PARD3B: variants seen among roughly 807,000 people sequenced by gnomAD.
PARD3B encodes par-3 family cell polarity regulator beta.
PARD3B carries 103 observed loss-of-function variants against 130.2 expected under a neutral mutation model. That is an observed-to-expected ratio of 0.79 (90% CI 0.67 to 0.93). The LOEUF (loss-of-function observed/expected upper bound fraction) is 0.93. Ranked by LOEUF, PARD3B falls within the 40% of genes least tolerant of loss-of-function variation. PARD3B has a pLI of 0.00. For synonymous variants in PARD3B, 583 were observed against 553.2 expected, an observed-to-expected ratio of 1.05 and a Z score of -0.76; for missense variants, 1,609 against 1,499.2, an observed-to-expected ratio of 1.07 and a Z score of -1.21.
At chr2:204,703,673 A>G (rs1458695733) in intron 2 of PARD3B, among the ~76,000 whole-genome samples, 1 of 152,190 alleles carries the variant, frequency 6.6e-6, no homozygotes, top group Non-Finnish European at 1.5e-5. Flanking sequence ...TTAAAAAATA[A>G]CCAATTCATA....
intron 21 of PARD3B, among the ~76,000 whole-genome samples, chr2:205,536,991 G>A (rs958022978): frequency 1.3e-5 from 2 of 152,016 alleles, no homozygotes; most frequent in African/African-American, 2.4e-5. Flanking sequence ...CATCCTAATG[G>A]ATTATACCAT....
intron 2 of PARD3B, among the ~76,000 whole-genome samples, chr2:204,734,794 G>T (rs1056550900): frequency 2.0e-5 from 3 of 152,102 alleles, no homozygotes; most frequent in Admixed American, 2.0e-4. Flanking sequence ...GGTAGTGGAA[G>T]TGTTTCTGTA....
At chr2:204,958,841 A>G (rs1235022981) in intron 2 of PARD3B, among the ~76,000 whole-genome samples, 9 of 152,180 alleles carry the variant, frequency 5.9e-5, no homozygotes, top group Admixed American at 5.9e-4. Context: ...GTTTTAGGAT[A>G]AAAACAGATC....
At chr2:204,668,244 C>T (rs1193241606) in intron 1 of PARD3B, among the ~76,000 whole-genome samples, 1 of 152,158 alleles carries the variant, frequency 6.6e-6, no homozygotes, top group Non-Finnish European at 1.5e-5. Flanking sequence ...ACTTGAATGG[C>T]CTTACCCAGC....
intron 2 of PARD3B, among the ~76,000 whole-genome samples, chr2:204,855,313 G>A (rs993956921): frequency 1.3e-5 from 2 of 152,066 alleles, no homozygotes; most frequent in Admixed American, 6.5e-5. Flanking sequence ...GGGAGGCCAA[G>A]CTGGGTGGAT....
intron 22 of PARD3B, among the ~76,000 whole-genome samples, chr2:205,577,249 G>A (rs2053795210): frequency 6.9e-6 from 1 of 144,052 alleles, no homozygotes; most frequent in Non-Finnish European, 1.5e-5. Flanking sequence ...TGCAAATGAA[G>A]ACAGTTTTTT....
intron 3 of PARD3B, among the ~76,000 whole-genome samples, chr2:205,010,953 G>T (rs577026737): frequency 2.0e-5 from 3 of 151,988 alleles, no homozygotes; most frequent in African/African-American, 7.2e-5. Flanking sequence ...ATTTTAAAGG[G>T]TTTCCTCATT....
chr2:204,801,940 C>T (rs1482147450), intron 2 of PARD3B, among the ~76,000 whole-genome samples: 1 of 152,002 alleles, frequency 6.6e-6, no homozygotes, highest in African/African-American at 2.4e-5. Context: ...TATCAAAGGC[C>T]TTTTTTGCAT....
chr2:205,257,303 A>G (rs890178871), intron 16 of PARD3B, among the ~76,000 whole-genome samples: 1 of 151,738 alleles, frequency 6.6e-6, no homozygotes, highest in Non-Finnish European at 1.5e-5. Context: ...TACCTTTTGA[A>G]TGAAAACACT....
chr2:204,889,128 G>T (rs1305787441), intron 2 of PARD3B, among the ~76,000 whole-genome samples: 1 of 152,014 alleles, frequency 6.6e-6, no homozygotes, highest in Non-Finnish European at 1.5e-5. Flanking sequence ...TTTTCATTTT[G>T]CCTCCCAGTT....
intron 2 of PARD3B, among the ~76,000 whole-genome samples, chr2:204,747,053 C>A (rs1013894130): frequency 2.7e-4 from 41 of 152,032 alleles, no homozygotes; most frequent in Middle Eastern, 3.4e-3. Context: ...GTCCTTGCCC[C>A]TGCCTATGTC....
chr2:205,404,332 T>C (rs12987043), intron 19 of PARD3B, among the ~76,000 whole-genome samples: 239 of 152,314 alleles, frequency 1.6e-3, no homozygotes, highest in Non-Finnish European at 3.2e-3. Context: ...CTAGAGATGA[T>C]TTAAAGTATA....
intron 21 of PARD3B, among the ~76,000 whole-genome samples, chr2:205,501,708 T>C (rs996615023): frequency 2.0e-5 from 3 of 152,198 alleles, no homozygotes; most frequent in Non-Finnish European, 2.9e-5. Flanking sequence ...CCTGGTTGTT[T>C]TGACCTTATT....
At chr2:205,427,724 A>T (rs1376059724) in intron 19 of PARD3B, among the ~76,000 whole-genome samples, 1 of 152,232 alleles carries the variant, frequency 6.6e-6, no homozygotes, top group Non-Finnish European at 1.5e-5. Flanking sequence ...CAAATTAAAT[A>T]AAAAGGAAAA....
In PARD3B at chr2:205,341,116, A is replaced by G. The variant is rs1020395293; in HGVS notation, c.2630+39415A>G. ...AATAAAAAAATAAAAAATGCTAAAG[A>G]AAAGGGAACTCTTAGACACTGTTGG... is the stretch of plus-strand genomic sequence containing the variant. On this transcript the variant is annotated intron_variant, in intron 18 of 22. Transcript: ENST00000406610. The surrounding 1 kb of genome is among the most constrained non-coding windows in gnomAD (Gnocchi z 4.3). Among the ~76,000 whole-genome samples the G allele has an allele frequency of 5.9e-5, 9 of 152,150 alleles. No individual in the cohort carries two copies. Among genetic ancestry groups the G allele is most frequent in the African/African-American group, 2.2e-4 (9 of 41,456 alleles).
At chr2:205,430,337 C>T (rs2047287098) in intron 19 of PARD3B, among the ~76,000 whole-genome samples, 1 of 152,212 alleles carries the variant, frequency 6.6e-6, no homozygotes, top group South Asian at 2.1e-4. Flanking sequence ...TAGGGAGCCA[C>T]CATTCAACCT....
rs1239675651 is a variant in PARD3B at position 204,637,959 on chromosome 2, G to A, written c.121-48222G>A. Among the ~76,000 whole-genome samples, 85 of 152,142 alleles carry A rather than the reference G, an allele frequency of 5.6e-4. 1 individual carries two copies. The highest frequency in any genetic ancestry group is 5.4e-3 in the Admixed American group (83 of 15,264). Reference sequence around the variant, plus strand: ...TGGTGGTTGTGAGGATGGCAAAGTCGTTCTGAGATGGATTTTCTACTTTCT... The same window carrying A: ...TGGTGGTTGTGAGGATGGCAAAGTCATTCTGAGATGGATTTTCTACTTTCT... On this transcript the variant is annotated intron_variant, in intron 1 of 22. Transcript: ENST00000406610.
intron 1 of PARD3B, among the ~76,000 whole-genome samples, chr2:204,647,253 T>C (rs2035305376): frequency 6.6e-6 from 1 of 151,972 alleles, no homozygotes. Flanking sequence ...TTCTTTTCTG[T>C]AAAGTATTTT....
chr2:204,998,358 ATGTGTG>A (rs59323700), intron 3 of PARD3B, among the ~76,000 whole-genome samples: 11 of 69,822 alleles, frequency 1.6e-4, no homozygotes, highest in African/African-American at 6.8e-4. Flanking sequence ...ATATATATAT[ATGTGTG>A]TGTGTGTGTG....
Sources: gnomAD v4.1 joint callset for allele counts (sites outside exome capture counted in the v4.1 genomes callset) on GRCh38, gnomAD v4.1.1 for gene constraint, Gnocchi (gnomAD v3.1) non-coding constraint, MANE v1.5 for transcripts, NCBI Gene and HGNC (gene_info 2026-07-23, HGNC 2026-07-21) for gene names.